The following CYP3A7 variants were observed in gnomAD, a reference collection of about 807,000 sequenced individuals.
The protein encoded by CYP3A7 is cytochrome P450 3A7.
A neutral mutation model predicts 55.2 loss-of-function variants in CYP3A7; 45 were observed. That is an observed-to-expected ratio of 0.82 (90% CI 0.64 to 1.05). The LOEUF is 1.05. CYP3A7 is among the 50% of genes least tolerant of loss of function. The pLI, the probability that CYP3A7 is intolerant of heterozygous loss-of-function variation, is 0.00. For synonymous variants in CYP3A7, 180 were observed against 207.4 expected, an observed-to-expected ratio of 0.87 and a Z score of 1.13; for missense variants, 548 against 605.3, an observed-to-expected ratio of 0.91 and a Z score of 0.99.
chr7:99,731,653 G>T (rs1158311050), intron 1 of CYP3A7, among the ~76,000 whole-genome samples: 2 of 152,074 alleles, frequency 1.3e-5, no homozygotes, highest in African/African-American at 4.8e-5. Flanking sequence ...TTTAGAATTT[G>T]CTCAGAGGCT....
At chr7:99,731,656 C>T (rs1432013118) in intron 1 of CYP3A7, among the ~76,000 whole-genome samples, 2 of 152,196 alleles carry the variant, frequency 1.3e-5, no homozygotes, top group Non-Finnish European at 1.5e-5. Context: ...AGAATTTGCT[C>T]AGAGGCTTTT....
rs565361259 is a variant in CYP3A7 at position 99,724,335 on chromosome 7, C to T, written c.166-1987G>A. On this transcript the variant is annotated intron_variant, in intron 2 of 12. Transcript: ENST00000336374. ...CCAGAAAATGACACTTTTGATTTCT[C>T]GATCTTATAAGACCTGGATGATTTT... 2.0e-5 allele frequency among the ~76,000 whole-genome samples: 3 copies of T among 152,282 alleles called. No individual in the cohort carries two copies. The East Asian group carries it at 5.8e-4, about 29-fold the overall frequency.
chr7:99,709,373 C>T (rs1813657582), intron 10 of CYP3A7, 112 bp from the exon 11 acceptor site: 1 of 1,468,144 alleles, frequency 6.8e-7, no homozygotes, highest in Admixed American at 2.0e-5. Flanking sequence ...CTCATACTGG[C>T]AAAGGATTGT....
intron 10 of CYP3A7, among the ~76,000 whole-genome samples, chr7:99,709,786 G>GTGTA (rs1813676844): frequency 6.6e-6 from 1 of 151,720 alleles, no homozygotes; most frequent in South Asian, 2.1e-4. Context: ...GTGTGTGTGT[G>GTGTA]TGTATATATA....
chr7:99,713,439 C>G, intron 9 of CYP3A7, 30 bp downstream of exon 9: 1 of 1,612,756 alleles, frequency 6.2e-7, no homozygotes, highest in Non-Finnish European at 8.5e-7. Flanking sequence ...AGTGCCCCAC[C>G]AGTAGCCCTC....
rs773416578 is a variant in CYP3A7, at chr7:99,717,253, T to C, written c.445A>G (p.Ile149Val). ...SGKLKEMVPIIAQYGDVLVRN... is the reference protein window; with the variant it reads ...SGKLKEMVPIVAQYGDVLVRN... ...ACCAACACATCTCCATACTGGGCAATGATAGGGACCATCTAAGCACAAAAC... is the reference window on the plus strand; with the variant it reads ...ACCAACACATCTCCATACTGGGCAACGATAGGGACCATCTAAGCACAAAAC... Residue 149 changes from isoleucine (I) to valine (V), a missense_variant, in exon 6 of 13, where the codon ATT becomes GTT. By Grantham distance (29) the Ile-to-Val change is conservative. Transcript: ENST00000336374. The C allele has an allele frequency of 6.2e-7, 1 of 1,613,966 alleles. No homozygotes were observed. Among genetic ancestry groups the C allele is most frequent in the Admixed American group, 1.7e-5 (1 of 60,018 alleles).
intron 12 of CYP3A7, 89 bp downstream of exon 12, chr7:99,707,723 T>C: frequency 6.4e-7 from 1 of 1,567,076 alleles, no homozygotes. Context: ...TATTAAAAGA[T>C]TAAGTGAGTG....
At chr7:99,728,124 C>G (rs1402884954) in intron 2 of CYP3A7, among the ~76,000 whole-genome samples, 1 of 152,198 alleles carries the variant, frequency 6.6e-6, no homozygotes, top group Non-Finnish European at 1.5e-5. Context: ...AAGTTTCCAT[C>G]TATCAATCCC....
chr7:99,724,761 C>T (rs1339859086), intron 2 of CYP3A7, among the ~76,000 whole-genome samples: 5 of 152,192 alleles, frequency 3.3e-5, no homozygotes, highest in Admixed American at 3.3e-4. Flanking sequence ...AGTCAAGGTA[C>T]ATGTGCCTTT....
chr7:99,718,723 T>C (rs1482987755), intron 4 of CYP3A7, among the ~76,000 whole-genome samples: 1 of 152,212 alleles, frequency 6.6e-6, no homozygotes, highest in Non-Finnish European at 1.5e-5. Flanking sequence ...ATTGTCTCTA[T>C]TTTCAAGTGA....
In CYP3A7 at chr7:99,709,117, C is replaced by T. The variant is rs1457258221; in HGVS notation, c.1171G>A (p.Gly391Arg). Residue 391 changes from glycine to arginine, a missense_variant, in exon 11 of 13, where the codon GGG becomes AGG. Physicochemically the swap from Gly to Arg is moderately radical, Grantham distance 125. Transcript: ENST00000336374. ...VEINGMFIPKGVVVMIPSYVL... is the reference protein window; with the variant it reads ...VEINGMFIPKRVVVMIPSYVL... ...TAGCTTGGAATCATCACCACCACCC[C>T]TTTGGGAATAAACATCCCATTGATT... is the stretch of plus-strand genomic sequence containing the variant. 1.9e-6 allele frequency: 3 copies of T among 1,613,984 alleles called. No homozygotes were observed. In the South Asian group the frequency reaches 3.3e-5, roughly 18 times the overall value.
At chr7:99,708,079 C>G in intron 11 of CYP3A7, 105 bp from the exon 12 acceptor site, 1 of 1,522,230 alleles carries the variant, frequency 6.6e-7, no homozygotes, top group Non-Finnish European at 9.1e-7. Context: ...TAGCAGTACA[C>G]AGGATACTTT....
intron 4 of CYP3A7, among the ~76,000 whole-genome samples, chr7:99,718,135 G>C (rs151236044): frequency 6.6e-6 from 1 of 152,048 alleles, no homozygotes; most frequent in Admixed American, 6.6e-5. Context: ...GGTGGGGAGA[G>C]GGGGGAAGGA....
chr7:99,732,185 G>A (rs908519130), intron 1 of CYP3A7, among the ~76,000 whole-genome samples: 5 of 152,052 alleles, frequency 3.3e-5, no homozygotes, highest in Non-Finnish European at 7.4e-5. Flanking sequence ...GAGATCTGGT[G>A]GTTTATAAGT....
At chr7:99,732,472 T>A (rs1814665885) in intron 1 of CYP3A7, among the ~76,000 whole-genome samples, 1 of 152,144 alleles carries the variant, frequency 6.6e-6, no homozygotes, top group Non-Finnish European at 1.5e-5. Flanking sequence ...TACAAAGCAG[T>A]CAGTTTATTG....
chr7:99,705,331 A>G lies in CYP3A7; in HGVS notation c.*169T>C, dbSNP rs1207968666. The G allele has an allele frequency of 1.2e-5, 9 of 748,658 alleles. No homozygotes were observed. Among genetic ancestry groups the G allele is most frequent in the East Asian group, 1.2e-4 (4 of 33,332 alleles). 46.4% of individuals were successfully genotyped at this position (748,658 alleles called of 1,614,324 possible). A position where few individuals can be genotyped will look rare whatever the true frequency, so the allele number is the denominator to read the frequency against. ...TCTATATTACCAAGTATAACACTCT[A>G]TACAGACCATGAGAGAGCACAATGC... is the stretch of plus-strand genomic sequence containing the variant. On this transcript the variant is annotated 3_prime_UTR_variant, in exon 13 of 13. Transcript: ENST00000336374.
At position 99,709,136 on chromosome 7, in the gene CYP3A7, A is replaced by C. The variant is rs762123320; in HGVS notation, c.1152T>G (p.Asn384Lys). ...ERVCKKDVEI[N>K]GMFIPKGVVV... ...CCACCCCTTTGGGAATAAACATCCCATTGATTTCAACATCTTTTTTGCAGA... is the reference window on the plus strand; with the variant it reads ...CCACCCCTTTGGGAATAAACATCCCCTTGATTTCAACATCTTTTTTGCAGA... The change falls in exon 11 of 13, where the codon AAT becomes AAG. Residue 384 changes from asparagine to lysine, a missense_variant. Asn to Lys is a moderately conservative substitution (Grantham distance 94). Transcript: ENST00000336374. 2.5e-6 allele frequency: 4 copies of C among 1,614,012 alleles called. No individual in the cohort carries two copies. The highest frequency in any genetic ancestry group is 3.4e-6 in the Non-Finnish European group (4 of 1,179,938).
intron 4 of CYP3A7, 28 bp from the exon 5 acceptor site, chr7:99,717,667 C>T (rs1449464149): frequency 1.2e-6 from 2 of 1,611,886 alleles, no homozygotes; most frequent in East Asian, 4.5e-5. Context: ...AAGATTTTGT[C>T]CTACATCAGT....
intron 7 of CYP3A7, 146 bp from the exon 8 acceptor site, chr7:99,714,828 C>T (rs746137397): frequency 1.8e-5 from 25 of 1,402,878 alleles, no homozygotes; most frequent in Non-Finnish European, 2.3e-5. Flanking sequence ...GACTTTTGCC[C>T]CTCTTCCAGG....
Sources: allele counts gnomAD v4.1 joint callset (sites outside exome capture counted in the v4.1 genomes callset), GRCh38; gene constraint gnomAD v4.1.1; transcripts MANE v1.5; gene names NCBI Gene and HGNC (gene_info 2026-07-23, HGNC 2026-07-21).